ITGAV: variants seen among roughly 807,000 people sequenced by gnomAD.
ITGAV encodes integrin subunit alpha V.
ITGAV carries 76 observed loss-of-function variants against 143.8 expected under a neutral mutation model. The observed-to-expected ratio is 0.53, with a 90% confidence interval of 0.44 to 0.64. The LOEUF is 0.64. Ranked by LOEUF, ITGAV falls within the 30% of genes least tolerant of loss-of-function variation. The probability of loss-of-function intolerance (pLI) is 0.00; values close to 1 mark genes in which losing one functional copy is unlikely to be tolerated. For missense variants in ITGAV, 1,193 were observed against 1,274.7 expected (o/e 0.94, Z 0.98); for synonymous variants, 453 against 446.7 (o/e 1.01, Z -0.18).
At chr2:186,595,735 A>T (rs1365707793) in intron 1 of ITGAV, among the ~76,000 whole-genome samples, 1 of 152,080 alleles carries the variant, frequency 6.6e-6, no homozygotes, top group Non-Finnish European at 1.5e-5. Flanking sequence ...GTTCTTGGAC[A>T]TACTTTTTGG....
At chr2:186,630,176 G>T (rs1458864957) in intron 4 of ITGAV, among the ~76,000 whole-genome samples, 1 of 152,004 alleles carries the variant, frequency 6.6e-6, no homozygotes, top group Non-Finnish European at 1.5e-5. Context: ...CATCTCTGTT[G>T]TTGGCTCTAT....
At chr2:186,663,640 A>C in intron 18 of ITGAV, 128 bp from the exon 19 acceptor site, 1 of 617,208 alleles carries the variant, frequency 1.6e-6, no homozygotes, top group Non-Finnish European at 2.8e-6. Context: ...TACAACAAAC[A>C]AGCTGATGAG....
intron 10 of ITGAV, 87 bp from the exon 11 acceptor site, chr2:186,640,828 A>T: frequency 9.6e-7 from 1 of 1,042,012 alleles, no homozygotes; most frequent in Non-Finnish European, 1.4e-6. Flanking sequence ...AAAAAAAATA[A>T]CCCTATTTGG....
Position 186,678,581 on chromosome 2 carries a change from A to G in ITGAV, c.*1289A>G. ...TTAAACCTTTCTGAAGTTCGTTAGT[A>G]TAAATTACTTTTCTAGGATTATTAA... On this transcript the variant is annotated 3_prime_UTR_variant, in exon 30 of 30. Coordinates refer to ENST00000261023, the MANE Select transcript of ITGAV (RefSeq NM_002210.5). The G allele has an allele frequency of 3.1e-6, 1 of 321,902 alleles. No individual in the cohort carries two copies. Among genetic ancestry groups the G allele is most frequent in the South Asian group, 2.8e-5 (1 of 35,650 alleles). The allele number at this position is 321,902 out of a possible 1,614,324, so 19.9% of individuals were successfully genotyped here. A position where few individuals can be genotyped will look rare whatever the true frequency, so the allele number is the denominator to read the frequency against.
In ITGAV at chr2:186,657,567, A is replaced by G. The variant is rs61762256; in HGVS notation, c.1719+1166A>G. 5.3e-3 allele frequency among the ~76,000 whole-genome samples: 815 copies of G among 152,356 alleles called. 8 individuals are homozygous for G. The highest frequency in any genetic ancestry group is 0.019 in the African/African-American group (775 of 41,590). On this transcript the variant is annotated intron_variant, in intron 17 of 29. Coordinates refer to ENST00000261023, the MANE Select transcript of ITGAV (RefSeq NM_002210.5). ...AATGTGACATCAAAATGTATAGGCT[A>G]TCACAACAGTAGAATGTAAAGATAA... is the stretch of plus-strand genomic sequence containing the variant.
chr2:186,657,389 A>G (rs553160420), intron 17 of ITGAV, among the ~76,000 whole-genome samples: 1 of 152,346 alleles, frequency 6.6e-6, no homozygotes, highest in South Asian at 2.1e-4. Flanking sequence ...AATTTCAAAA[A>G]GTAATTTTAT....
At chr2:186,596,712 A>G (rs1686759174) in intron 1 of ITGAV, among the ~76,000 whole-genome samples, 1 of 151,856 alleles carries the variant, frequency 6.6e-6, no homozygotes, top group African/African-American at 2.4e-5. Context: ...GTTGCTTTTT[A>G]TTCCTTAATT....
At position 186,677,472 on chromosome 2, in the gene ITGAV, T is replaced by C; in HGVS notation, c.*180T>C. On this transcript the variant is annotated 3_prime_UTR_variant, in exon 30 of 30. Transcript: ENST00000261023. Reference sequence around the variant, plus strand: ...TTCTCCTTATAAATAAGTTCAGACATACATTTAATAACATAGGGTGACTTG... The same window carrying C: ...TTCTCCTTATAAATAAGTTCAGACACACATTTAATAACATAGGGTGACTTG... 1.8e-6 allele frequency: 1 copy of C among 547,292 alleles called. No homozygotes were observed. The highest frequency in any genetic ancestry group is 3.3e-6 in the Non-Finnish European group (1 of 305,334). The allele number at this position is 547,292 out of a possible 1,614,324, so 33.9% of individuals were successfully genotyped here.
chr2:186,606,858 A>G (rs772634288), intron 2 of ITGAV, among the ~76,000 whole-genome samples: 7 of 152,010 alleles, frequency 4.6e-5, no homozygotes, highest in Non-Finnish European at 8.8e-5. Flanking sequence ...ACAGCAGCCT[A>G]TTTGCCAGCT....
chr2:186,647,718 T>A (rs1688301825), intron 13 of ITGAV, among the ~76,000 whole-genome samples: 3 of 152,304 alleles, frequency 2.0e-5, no homozygotes, highest in South Asian at 4.1e-4. Flanking sequence ...CAAGACCTTT[T>A]TCTGGTTCTT....
At chr2:186,675,536 C>A in intron 26 of ITGAV, 68 bp from the exon 27 acceptor site, 2 of 1,236,326 alleles carry the variant, frequency 1.6e-6, no homozygotes, top group Non-Finnish European at 2.4e-6. Flanking sequence ...AAAAAAATGG[C>A]AAATTTTCAA....
intron 13 of ITGAV, among the ~76,000 whole-genome samples, chr2:186,647,524 C>A (rs1688296603): frequency 6.6e-6 from 1 of 152,142 alleles, no homozygotes; most frequent in Admixed American, 6.6e-5. Flanking sequence ...GCGTGAGCCA[C>A]CGCACCCGGC....
At chr2:186,664,997 G>C in intron 20 of ITGAV, 129 bp from the exon 21 acceptor site, 1 of 652,348 alleles carries the variant, frequency 1.5e-6, no homozygotes, top group South Asian at 2.0e-5. Context: ...CCCAATTCTG[G>C]CTTTTTCCTT....
intron 10 of ITGAV, among the ~76,000 whole-genome samples, chr2:186,638,902 T>A (rs372712969): frequency 6.6e-6 from 1 of 150,976 alleles, no homozygotes; most frequent in East Asian, 1.9e-4. Context: ...GTTTCCTTTT[T>A]TTTTTTTTTT....
intron 1 of ITGAV, 128 bp downstream of exon 1, chr2:186,590,651 A>G: frequency 1.2e-6 from 1 of 829,994 alleles, no homozygotes. Flanking sequence ...CCTACCTCTC[A>G]GAGTGGTTTA....
At chr2:186,597,261 T>C (rs979456408) in intron 1 of ITGAV, among the ~76,000 whole-genome samples, 2 of 152,180 alleles carry the variant, frequency 1.3e-5, no homozygotes, top group Non-Finnish European at 2.9e-5. Context: ...TTCCGAGCTC[T>C]CTCTGTCTTA....
rs769595756 is a variant in ITGAV at position 186,656,418 on chromosome 2, C to T, written c.1719+17C>T. ...TATCTGCGGGTAAGAGCTAACTTTT[C>T]TGCTACCTTGTTGTTCCTTTTTAGT... On this transcript the variant is annotated intron_variant, in intron 17 of 29. Transcript: ENST00000261023. 3 of 1,457,914 alleles carry T rather than the reference C, an allele frequency of 2.1e-6. No homozygotes were observed. In the Admixed American group the frequency reaches 8.5e-5, roughly 41 times the overall value. The allele number at this position is 1,457,914 out of a possible 1,614,324, so 90.3% of individuals were successfully genotyped here.
In ITGAV at chr2:186,637,077, C is replaced by T; in HGVS notation, c.770C>T (p.Ala257Val). Reference sequence around the variant, plus strand: ...GTTTCCTGTTTAGGTTATTCTGTGGCTGTCGGAGATTTCAATGGTGATGGC... The same window carrying T: ...GTTTCCTGTTTAGGTTATTCTGTGGTTGTCGGAGATTTCAATGGTGATGGC... ...FDDSYLGYSV[A>V]VGDFNGDGID... Residue 257 changes from alanine to valine, a missense_variant, in exon 8 of 30, where the codon GCT (alanine) becomes GTT (valine). By Grantham distance (64) the Ala-to-Val change is moderately conservative. Coordinates refer to ENST00000261023, the MANE Select transcript of ITGAV (RefSeq NM_002210.5). 1 of 1,613,462 alleles carries T rather than the reference C, an allele frequency of 6.2e-7. No individual in the cohort carries two copies. Among genetic ancestry groups the T allele is most frequent in the Non-Finnish European group, 8.5e-7 (1 of 1,179,488 alleles).
At chr2:186,649,500 A>C (rs1459585297) in intron 13 of ITGAV, among the ~76,000 whole-genome samples, 3 of 152,168 alleles carry the variant, frequency 2.0e-5, no homozygotes, top group African/African-American at 4.8e-5. Flanking sequence ...GAAATTTTAC[A>C]GTAAGATTGT....
Sources: allele counts gnomAD v4.1 joint callset (sites outside exome capture counted in the v4.1 genomes callset), GRCh38; gene constraint gnomAD v4.1.1; transcripts MANE v1.5; gene names NCBI Gene and HGNC (gene_info 2026-07-23, HGNC 2026-07-21).